Variants in ATE1 observed in about 807,000 individuals in gnomAD.
ATE1 encodes the protein arginyl-tRNA--protein transferase 1.
Under a neutral mutation model 70.5 loss-of-function variants are expected in ATE1, and 36 were observed. The observed-to-expected ratio is 0.51, with a 90% confidence interval of 0.39 to 0.67. The LOEUF (loss-of-function observed/expected upper bound fraction) is 0.67, where lower values mean the gene tolerates loss of function less well. Ranked by LOEUF, ATE1 falls within the 30% of genes least tolerant of loss-of-function variation. The probability of loss-of-function intolerance (pLI) is 0.00; values close to 1 mark genes in which losing one functional copy is unlikely to be tolerated. For synonymous variants in ATE1, 232 were observed against 219.3 expected, an observed-to-expected ratio of 1.06 and a Z score of -0.51; for missense variants, 593 against 629.5, an observed-to-expected ratio of 0.94 and a Z score of 0.62.
chr10:121,746,551 C>T (rs552096002), intron 11 of ATE1, among the ~76,000 whole-genome samples: 5 of 152,224 alleles, frequency 3.3e-5, no homozygotes, highest in South Asian at 4.1e-4. Flanking sequence ...TATAAATCAA[C>T]GGGACTGTTT....
chr10:121,857,161 T>C (rs1326933266), intron 8 of ATE1, among the ~76,000 whole-genome samples: 4 of 152,248 alleles, frequency 2.6e-5, no homozygotes, highest in Non-Finnish European at 5.9e-5. Context: ...GCAGGTTTGT[T>C]ACACGGGTAT....
At chr10:121,804,361 T>C (rs1036232180) in intron 10 of ATE1, among the ~76,000 whole-genome samples, 1 of 152,138 alleles carries the variant, frequency 6.6e-6, no homozygotes, top group African/African-American at 2.4e-5. Context: ...AAAATGTATG[T>C]CCTTAAAATT....
chr10:121,789,296 C>CATTT (rs1946336592), intron 11 of ATE1, among the ~76,000 whole-genome samples: 2 of 92,684 alleles, frequency 2.2e-5, no homozygotes, highest in Admixed American at 1.5e-4. Context: ...CAGGGCTATG[C>CATTT]TTTTTTTTTT....
In ATE1 at chr10:121,798,903, A is replaced by C. The variant is rs1946765527; in HGVS notation, c.1258-8614T>G. On this transcript the variant is annotated intron_variant, in intron 10 of 11. Transcript: ENST00000224652. The stretch of plus-strand genomic sequence containing the variant: ...GACAGAGTAAGACTCTGTCTCAAGA[A>C]AAAAAAAAAAAAAGGTAATGAAGAC... Among the ~76,000 whole-genome samples the C allele has an allele frequency of 6.0e-5, 5 of 83,056 alleles. No homozygotes were observed. In the Admixed American group the frequency reaches 7.2e-4, roughly 12 times the overall value. 54.5% of individuals were successfully genotyped at this position (83,056 alleles called of 152,430 possible). A position where few individuals can be genotyped will look rare whatever the true frequency, so the allele number is the denominator to read the frequency against.
At chr10:121,911,706 G>A (rs906087006) in intron 4 of ATE1, among the ~76,000 whole-genome samples, 10 of 151,816 alleles carry the variant, frequency 6.6e-5, no homozygotes, top group African/African-American at 1.9e-4. Context: ...AGAGTTGAAC[G>A]CCAACCTAGA....
chr10:121,869,566 A>G (rs756092734), intron 8 of ATE1, among the ~76,000 whole-genome samples: 29 of 152,166 alleles, frequency 1.9e-4, no homozygotes, highest in Non-Finnish European at 4.0e-4. Flanking sequence ...TCTCTTGTCA[A>G]CTCATGGATT....
chr10:121,903,357 G>C (rs1951062307), intron 5 of ATE1, among the ~76,000 whole-genome samples: 1 of 152,096 alleles, frequency 6.6e-6, no homozygotes, highest in Non-Finnish European at 1.5e-5. Context: ...TTAGGAACCA[G>C]GTATAAAGGA....
chr10:121,884,832 A>G (rs1325753006), intron 7 of ATE1, among the ~76,000 whole-genome samples: 1 of 152,180 alleles, frequency 6.6e-6, no homozygotes, highest in Non-Finnish European at 1.5e-5. Flanking sequence ...CTTGTCACGG[A>G]CCTTGACACA....
At chr10:121,853,818 C>T (rs1034404885) in intron 8 of ATE1, among the ~76,000 whole-genome samples, 3 of 152,136 alleles carry the variant, frequency 2.0e-5, no homozygotes, top group African/African-American at 7.2e-5. Flanking sequence ...CTGAGAAGTA[C>T]AAATTCAAGG....
chr10:121,879,322 C>A (rs1358607903), intron 7 of ATE1, among the ~76,000 whole-genome samples: 1 of 152,202 alleles, frequency 6.6e-6, no homozygotes, highest in African/African-American at 2.4e-5. Context: ...TTATCTGAGC[C>A]TCTTCCTGAT....
At chr10:121,855,580 GTTAT>G (rs1024698204) in intron 8 of ATE1, among the ~76,000 whole-genome samples, 2 of 152,092 alleles carry the variant, frequency 1.3e-5, no homozygotes, top group Non-Finnish European at 2.9e-5. Flanking sequence ...CGAAAAAGCC[GTTAT>G]TTCTCATTGT....
At chr10:121,796,241 C>T (rs1382211100) in intron 10 of ATE1, among the ~76,000 whole-genome samples, 1 of 152,092 alleles carries the variant, frequency 6.6e-6, no homozygotes, top group Non-Finnish European at 1.5e-5. Context: ...AGAGGGAAGG[C>T]TACCACAGAG....
chr10:121,846,739 A>C (rs1446297485), intron 8 of ATE1: 1 of 128,602 alleles, frequency 7.8e-6, no homozygotes, highest in Non-Finnish European at 1.8e-5. Context: ...TAAATAAATA[A>C]ATAAAATGTT....
chr10:121,925,427 CA>C (rs35309690), intron 1 of ATE1, among the ~76,000 whole-genome samples: 40,882 of 118,548 alleles, frequency 0.34, 6,423 homozygotes, highest in South Asian at 0.6. Flanking sequence ...AGCTCTGTCT[CA>C]AAAAAAAAAA....
intron 8 of ATE1, among the ~76,000 whole-genome samples, chr10:121,843,626 A>G (rs1293404390): frequency 6.6e-6 from 1 of 152,194 alleles, no homozygotes; most frequent in Non-Finnish European, 1.5e-5. Context: ...AGACACACAC[A>G]AATATAGTCA....
At chr10:121,927,108 G>A (rs1010052426) in intron 1 of ATE1, 2 of 985,274 alleles carry the variant, frequency 2.0e-6, no homozygotes, top group Admixed American at 6.1e-5. Context: ...TGCATGGCAA[G>A]AGAGGAAATA....
chr10:121,787,268 GAAC>G (rs1946253469), intron 11 of ATE1, among the ~76,000 whole-genome samples: 1 of 152,154 alleles, frequency 6.6e-6, no homozygotes, highest in Non-Finnish European at 1.5e-5. Context: ...CCATGCTGAC[GAAC>G]AACAATTATT....
At chr10:121,885,425 C>G (rs2134148671) in intron 7 of ATE1, among the ~76,000 whole-genome samples, 1 of 151,562 alleles carries the variant, frequency 6.6e-6, no homozygotes, top group South Asian at 2.1e-4. Context: ...AAAAAATTAG[C>G]CAGGCATGGT....
At chr10:121,807,021 T>C (rs1947125809) in intron 10 of ATE1, among the ~76,000 whole-genome samples, 1 of 152,216 alleles carries the variant, frequency 6.6e-6, no homozygotes, top group South Asian at 2.1e-4. Context: ...TTTCTAATGT[T>C]GATCCTCTCC....
Sources: gnomAD v4.1 joint callset for allele counts (sites outside exome capture counted in the v4.1 genomes callset) on GRCh38, gnomAD v4.1.1 for gene constraint, MANE v1.5 for transcripts, NCBI Gene and HGNC (gene_info 2026-07-23, HGNC 2026-07-21) for gene names.